The following PDE5A variants were observed in gnomAD, a reference collection of about 807,000 sequenced individuals.
PDE5A encodes the protein cGMP-specific 3',5'-cyclic phosphodiesterase.
PDE5A carries 67 observed loss-of-function variants against 110.2 expected under a neutral mutation model. The ratio of observed to expected loss-of-function variants is 0.61; its 90% CI spans 0.50 to 0.75. The LOEUF is 0.75. Among genes scored for constraint, PDE5A ranks in the 30% least tolerant of loss-of-function variants. PDE5A has a pLI of 0.00. For missense variants in PDE5A, 862 were observed against 1,045.1 expected (o/e 0.82, Z 2.42); for synonymous variants, 328 against 351.2 (o/e 0.93, Z 0.74).
chr4:119,543,041 A>AACACACACACAC (rs1343631566), intron 9 of PDE5A: 162 of 30,892 alleles, frequency 5.2e-3, no homozygotes, highest in African/African-American at 0.018. Context: ...CCAGAAGTTA[A>AACACACACACAC]ACATACACAC....
At chr4:119,500,635 T>TAAAC (rs1416465134) in intron 20 of PDE5A, among the ~76,000 whole-genome samples, 2 of 152,148 alleles carry the variant, frequency 1.3e-5, no homozygotes, top group African/African-American at 2.4e-5. Flanking sequence ...ATTTGAGTCA[T>TAAAC]AAACATCTAA....
intron 3 of PDE5A, among the ~76,000 whole-genome samples, chr4:119,582,926 A>G (rs1447101055): frequency 6.6e-6 from 1 of 152,186 alleles, no homozygotes; most frequent in Non-Finnish European, 1.5e-5. Context: ...GGACAGGCTG[A>G]GTTGAATTAG....
chr4:119,555,299 A>C (rs1391067024), intron 7 of PDE5A, among the ~76,000 whole-genome samples: 1 of 152,216 alleles, frequency 6.6e-6, no homozygotes, highest in Non-Finnish European at 1.5e-5. Flanking sequence ...TTTAAATTGA[A>C]TATTTCTTGA....
intron 11 of PDE5A, among the ~76,000 whole-genome samples, chr4:119,530,583 C>A (rs909285641): frequency 2.0e-5 from 3 of 152,068 alleles, no homozygotes; most frequent in African/African-American, 7.2e-5. Context: ...TACAGTCCCA[C>A]CTCTTTTTCC....
rs1730441982 is a variant in PDE5A at position 119,628,476 on chromosome 4, G to A, written c.152+44C>T. 5 of 1,475,230 alleles carry A rather than the reference G, an allele frequency of 3.4e-6. No individual in the cohort carries two copies. In the Admixed American group the frequency reaches 8.0e-5, roughly 24 times the overall value. The allele number at this position is 1,475,230 out of a possible 1,614,324, so 91.4% of individuals were successfully genotyped here. The stretch of plus-strand genomic sequence containing the variant: ...GTGAACGAAGGGCACAATTCAACAG[G>A]GGAGAGAAATCAGCCCCGGGTCTTC... On this transcript the variant is annotated intron_variant, in intron 1 of 20. Coordinates refer to ENST00000354960, the MANE Select transcript of PDE5A (RefSeq NM_001083.4).
chr4:119,520,703 T>C (rs1726096731), intron 13 of PDE5A, among the ~76,000 whole-genome samples: 1 of 152,096 alleles, frequency 6.6e-6, no homozygotes, highest in African/African-American at 2.4e-5. Flanking sequence ...CATGAAGTTA[T>C]TTTGAAGGTT....
chr4:119,616,257 T>C (rs1729940603), intron 1 of PDE5A, among the ~76,000 whole-genome samples: 1 of 152,156 alleles, frequency 6.6e-6, no homozygotes, highest in Non-Finnish European at 1.5e-5. Flanking sequence ...CCACAGATGA[T>C]ACTTAAGGCT....
At chr4:119,502,153 C>T (rs1725368368) in intron 19 of PDE5A, among the ~76,000 whole-genome samples, 2 of 151,936 alleles carry the variant, frequency 1.3e-5, no homozygotes, top group East Asian at 3.9e-4. Flanking sequence ...CTTTTGATGG[C>T]GAGAACCAAG....
chr4:119,529,540 G>A (rs1189936077), intron 11 of PDE5A, among the ~76,000 whole-genome samples: 1 of 152,196 alleles, frequency 6.6e-6, no homozygotes, highest in South Asian at 2.1e-4. Flanking sequence ...ATTATTTTGG[G>A]GGGACGTGAC....
At chr4:119,553,843 A>AT in intron 7 of PDE5A, 97 bp from the exon 8 acceptor site, 2 of 682,618 alleles carry the variant, frequency 2.9e-6, no homozygotes, top group Non-Finnish European at 2.6e-6. Context: ...TACCAGCCTT[A>AT]AATTATAAGG....
chr4:119,499,198 A>G (rs1196044701), intron 20 of PDE5A, among the ~76,000 whole-genome samples: 1 of 152,178 alleles, frequency 6.6e-6, no homozygotes, highest in Non-Finnish European at 1.5e-5. Context: ...ATTATTATGT[A>G]CCAATTATAG....
intron 3 of PDE5A, among the ~76,000 whole-genome samples, chr4:119,593,377 C>A (rs910373674): frequency 2.6e-5 from 4 of 152,116 alleles, no homozygotes; most frequent in Non-Finnish European, 5.9e-5. Context: ...ATATCCATAC[C>A]ATGGAATAAA....
At chr4:119,532,852 C>CA (rs1305022056) in intron 11 of PDE5A, among the ~76,000 whole-genome samples, 6 of 151,552 alleles carry the variant, frequency 4.0e-5, no homozygotes, top group South Asian at 4.2e-4. Flanking sequence ...AATCTTTGTA[C>CA]AAAAAAAAGG....
rs201568244 is a variant in PDE5A, at chr4:119,525,725, T to A, written c.1633-30A>T. 3 of 1,527,484 alleles carry A rather than the reference T, an allele frequency of 2.0e-6. No individual in the cohort carries two copies. The South Asian group carries it at 3.5e-5, about 18-fold the overall frequency. The allele number at this position is 1,527,484 out of a possible 1,614,324, so 94.6% of individuals were successfully genotyped here. On this transcript the variant is annotated intron_variant, in intron 11 of 20. Transcript: ENST00000354960. This position sits in a 1 kb window ranked among gnomAD's most constrained non-coding sequence, Gnocchi z 4.3. ...GGTAAGGAAAGAAGAAAAAAAAAAA[T>A]GCTGTTAATTAAAGCAGCAGTGATT...
At chr4:119,532,568 G>A (rs1726582465) in intron 11 of PDE5A, among the ~76,000 whole-genome samples, 1 of 151,036 alleles carries the variant, frequency 6.6e-6, no homozygotes, top group Non-Finnish European at 1.5e-5. Context: ...TATAGAGAGT[G>A]CCTTTTTGTT....
intron 2 of PDE5A, among the ~76,000 whole-genome samples, chr4:119,601,822 G>C (rs1179480841): frequency 6.6e-6 from 1 of 152,170 alleles, no homozygotes; most frequent in Admixed American, 6.5e-5. Flanking sequence ...CTTAGTTAAG[G>C]TGTCAGCATT....
At chr4:119,573,193 C>A (rs1010961376) in intron 3 of PDE5A, among the ~76,000 whole-genome samples, 5 of 152,164 alleles carry the variant, frequency 3.3e-5, no homozygotes, top group African/African-American at 1.2e-4. Flanking sequence ...CTTTTTGCTA[C>A]TACAATCTTT....
intron 13 of PDE5A, 43 bp from the exon 14 acceptor site, chr4:119,519,182 A>C: frequency 7.1e-7 from 1 of 1,414,636 alleles, no homozygotes; most frequent in Non-Finnish European, 1.0e-6. Context: ...AACAAATATA[A>C]TGTGGTGAAG....
At chr4:119,596,828 T>C (rs1188056876) in intron 2 of PDE5A, among the ~76,000 whole-genome samples, 1 of 152,058 alleles carries the variant, frequency 6.6e-6, no homozygotes. Flanking sequence ...AGCTAGTGTT[T>C]AAGAGAAAAA....
Sources: allele counts gnomAD v4.1 joint callset (sites outside exome capture counted in the v4.1 genomes callset), GRCh38; gene constraint gnomAD v4.1.1; non-coding constraint Gnocchi (gnomAD v3.1); transcripts MANE v1.5; gene names NCBI Gene and HGNC (gene_info 2026-07-23, HGNC 2026-07-21).